GPC5: variants seen among roughly 807,000 people sequenced by gnomAD.
GPC5 encodes the protein glypican-5.
Under a neutral mutation model 53.9 loss-of-function variants are expected in GPC5, and 47 were observed. The observed-to-expected ratio is 0.87, with a 90% CI of 0.69 to 1.11. The LOEUF (loss-of-function observed/expected upper bound fraction) is 1.11. GPC5 is among the 50% of genes most tolerant of loss of function. GPC5 has a pLI of 0.00. For missense variants in GPC5, 748 were observed against 713.1 expected (o/e 1.05, Z -0.56); for synonymous variants, 286 against 263.3 (o/e 1.09, Z -0.84).
At chr13:91,843,206 A>T (rs1185943490) in intron 5 of GPC5, among the ~76,000 whole-genome samples, 1 of 152,224 alleles carries the variant, frequency 6.6e-6, no homozygotes, top group Non-Finnish European at 1.5e-5. Flanking sequence ...CTAAGTATTT[A>T]TAGTCACCGC....
intron 7 of GPC5, among the ~76,000 whole-genome samples, chr13:92,385,766 CGTATATATACATAT>C (rs1566568226): frequency 3.6e-5 from 3 of 83,130 alleles, no homozygotes; most frequent in African/African-American, 1.5e-4. Flanking sequence ...TATATATATA[CGTATATATACATAT>C]ATGTATATAT....
intron 7 of GPC5, among the ~76,000 whole-genome samples, chr13:92,305,018 G>A (rs2043101726): frequency 6.6e-6 from 1 of 152,060 alleles, no homozygotes; most frequent in Non-Finnish European, 1.5e-5. Flanking sequence ...ACCCATTAAA[G>A]TAAATAGAAA....
chr13:91,758,063 G>A (rs2037332932), intron 5 of GPC5, among the ~76,000 whole-genome samples: 2 of 151,922 alleles, frequency 1.3e-5, no homozygotes, highest in Admixed American at 6.6e-5. Context: ...AAAAAAAATT[G>A]AAGACAAAAA....
intron 7 of GPC5, among the ~76,000 whole-genome samples, chr13:92,158,093 G>A (rs1450432152): frequency 6.6e-6 from 1 of 152,114 alleles, no homozygotes; most frequent in Admixed American, 6.5e-5. Flanking sequence ...TTCAATAGAG[G>A]ACCAAAGATA....
intron 2 of GPC5, among the ~76,000 whole-genome samples, chr13:91,676,045 C>T (rs1299166532): frequency 2.0e-5 from 3 of 152,104 alleles, no homozygotes; most frequent in Admixed American, 2.0e-4. Flanking sequence ...TGCCATAGAT[C>T]ATGGGAGCCT....
rs113452901 is a variant in GPC5 at position 91,903,244 on chromosome 13, A to G, written c.1281-4693A>G. Reference sequence around the variant, plus strand: ...AATATTTAGTTTATAAGATTTGTCAATCTTTTTGCATATAGTTGTAATTCA... The same window carrying G: ...AATATTTAGTTTATAAGATTTGTCAGTCTTTTTGCATATAGTTGTAATTCA... On this transcript the variant is annotated intron_variant, in intron 5 of 7. Transcript: ENST00000377067. 3.8e-3 allele frequency among the ~76,000 whole-genome samples: 573 copies of G among 152,112 alleles called. 5 individuals carry two copies. Among genetic ancestry groups the G allele is most frequent in the African/African-American group, 0.013 (542 of 41,520 alleles).
chr13:92,082,487 G>A (rs1201528401), intron 6 of GPC5, among the ~76,000 whole-genome samples: 2 of 152,074 alleles, frequency 1.3e-5, no homozygotes, highest in South Asian at 2.1e-4. Flanking sequence ...TGTATTAAAT[G>A]TCCACTTCTG....
At chr13:92,761,000 G>A (rs1190481967) in intron 7 of GPC5, among the ~76,000 whole-genome samples, 2 of 151,888 alleles carry the variant, frequency 1.3e-5, no homozygotes, top group African/African-American at 4.8e-5. Context: ...TCATACCATT[G>A]TGGTCAGAAA....
At chr13:92,797,612 C>T (rs1876731955) in intron 7 of GPC5, among the ~76,000 whole-genome samples, 2 of 151,988 alleles carry the variant, frequency 1.3e-5, no homozygotes, top group South Asian at 4.1e-4. Context: ...GCTATTTATA[C>T]TTTCTGAAAT....
At chr13:91,817,531 A>G (rs2038419286) in intron 5 of GPC5, among the ~76,000 whole-genome samples, 1 of 152,172 alleles carries the variant, frequency 6.6e-6, no homozygotes, top group Non-Finnish European at 1.5e-5. Context: ...TTAAGAATCC[A>G]TGATACCAGT....
chr13:92,469,297 C>T (rs1878821469), intron 7 of GPC5, among the ~76,000 whole-genome samples: 1 of 152,066 alleles, frequency 6.6e-6, no homozygotes, highest in South Asian at 2.1e-4. Flanking sequence ...CAACCTCCAC[C>T]TCCCAGGTTT....
At chr13:92,317,101 A>G (rs1218701459) in intron 7 of GPC5, among the ~76,000 whole-genome samples, 15 of 152,222 alleles carry the variant, frequency 9.9e-5, no homozygotes, top group African/African-American at 4.8e-5. Context: ...GTCCAAATTT[A>G]CATTGTTATT....
At chr13:91,493,297 T>C (rs1884042155) in intron 2 of GPC5, among the ~76,000 whole-genome samples, 1 of 152,230 alleles carries the variant, frequency 6.6e-6, no homozygotes, top group Admixed American at 6.5e-5. Context: ...AATCACATCA[T>C]GGAAAATGGG....
chr13:91,587,393 A>G (rs1384051191), intron 2 of GPC5, among the ~76,000 whole-genome samples: 31 of 152,172 alleles, frequency 2.0e-4, no homozygotes, highest in Non-Finnish European at 5.9e-5. Context: ...ATATTTATGC[A>G]TAAAATAAGG....
At chr13:92,843,837 CTAAAG>C in intron 7 of GPC5, among the ~76,000 whole-genome samples, 1 of 152,172 alleles carries the variant, frequency 6.6e-6, no homozygotes, top group Admixed American at 6.6e-5. Context: ...ACTTAACTCT[CTAAAG>C]TAATCATCTC....
intron 2 of GPC5, among the ~76,000 whole-genome samples, chr13:91,509,435 GAGAT>G (rs1885120040): frequency 2.0e-5 from 1 of 49,756 alleles, no homozygotes. Flanking sequence ...ATCAAATAGT[GAGAT>G]AGTCATATTT....
At chr13:91,708,665 C>G (rs367953454) in intron 3 of GPC5, among the ~76,000 whole-genome samples, 1 of 151,836 alleles carries the variant, frequency 6.6e-6, no homozygotes, top group African/African-American at 2.4e-5. Flanking sequence ...TTCAAAAGGG[C>G]GAATTTTATG....
chr13:92,053,311 CGACG>C, intron 6 of GPC5, among the ~76,000 whole-genome samples: 1 of 152,236 alleles, frequency 6.6e-6, no homozygotes, highest in East Asian at 1.9e-4. Context: ...TATCTCCCAC[CGACG>C]TCAAAGTTGA....
chr13:92,016,411 A>G (rs769604842), intron 6 of GPC5, among the ~76,000 whole-genome samples: 11 of 152,188 alleles, frequency 7.2e-5, no homozygotes, highest in Admixed American at 6.5e-5. Flanking sequence ...GCTACGTGAC[A>G]GTAATGTTGA....
Sources: gnomAD v4.1 joint callset for allele counts (sites outside exome capture counted in the v4.1 genomes callset) on GRCh38, gnomAD v4.1.1 for gene constraint, MANE v1.5 for transcripts, NCBI Gene and HGNC (gene_info 2026-07-23, HGNC 2026-07-21) for gene names.